The following RBM6 variants were observed in gnomAD, a reference collection of about 807,000 sequenced individuals.
RBM6 encodes the protein RNA-binding protein 6.
A neutral mutation model predicts 140.4 loss-of-function variants in RBM6; 23 were observed. The observed-to-expected ratio is 0.16, with a 90% confidence interval of 0.12 to 0.23. The LOEUF is 0.23. Among genes scored for constraint, RBM6 ranks in the 10% least tolerant of loss-of-function variants. RBM6 has a pLI of 1.00. For missense variants in RBM6, 1,139 were observed against 1,386.7 expected (o/e 0.82, Z 2.84); for synonymous variants, 439 against 475.6 (o/e 0.92, Z 1.00).
intron 5 of RBM6, among the ~76,000 whole-genome samples, chr3:49,998,774 G>A (rs1383605742): frequency 6.6e-6 from 1 of 152,178 alleles, no homozygotes; most frequent in Non-Finnish European, 1.5e-5. Context: ...TTTGGACATA[G>A]TTATTTGTAC....
At chr3:50,024,769 C>T (rs929228486) in intron 6 of RBM6, among the ~76,000 whole-genome samples, 4 of 151,964 alleles carry the variant, frequency 2.6e-5, no homozygotes, top group African/African-American at 9.7e-5. Flanking sequence ...CTGGCTAACA[C>T]GGTGAAACCC....
chr3:49,965,759 C>T (rs544066658), intron 2 of RBM6, among the ~76,000 whole-genome samples: 1 of 152,026 alleles, frequency 6.6e-6, no homozygotes, highest in African/African-American at 2.4e-5. Flanking sequence ...CAGTGGAAGT[C>T]ATCATGTTCT....
chr3:50,027,716 C>A (rs1466150766), intron 6 of RBM6, among the ~76,000 whole-genome samples: 1 of 152,174 alleles, frequency 6.6e-6, no homozygotes, highest in Non-Finnish European at 1.5e-5. Context: ...TATGGATATA[C>A]CACATTGTCT....
chr3:49,970,321 C>A (rs1442723133), intron 3 of RBM6, among the ~76,000 whole-genome samples: 2 of 152,110 alleles, frequency 1.3e-5, no homozygotes, highest in African/African-American at 2.4e-5. Context: ...TTCAAGCAGT[C>A]CCCCCACCTT....
intron 5 of RBM6, among the ~76,000 whole-genome samples, chr3:49,978,146 G>A (rs983953654): frequency 6.6e-6 from 1 of 152,058 alleles, no homozygotes; most frequent in Non-Finnish European, 1.5e-5. Flanking sequence ...GACTACAGGT[G>A]CGTACCACCA....
At chr3:49,947,773 T>C (rs2083559604) in intron 1 of RBM6, among the ~76,000 whole-genome samples, 4 of 152,230 alleles carry the variant, frequency 2.6e-5, no homozygotes. Context: ...AGTCCCACTT[T>C]ATTGTTATGC....
At chr3:50,062,554 A>G (rs2089981371) in intron 15 of RBM6, among the ~76,000 whole-genome samples, 1 of 151,760 alleles carries the variant, frequency 6.6e-6, no homozygotes, top group African/African-American at 2.4e-5. Context: ...GGTGTAGGCA[A>G]TTCCCTCACC....
chr3:50,035,033 C>CCTA (rs1459576703), intron 6 of RBM6, among the ~76,000 whole-genome samples: 2 of 143,134 alleles, frequency 1.4e-5, no homozygotes, highest in African/African-American at 5.2e-5. Context: ...CCTCCCCTCC[C>CCTA]CTCCCCTCTC....
At chr3:49,947,508 G>A (rs1297380282) in intron 1 of RBM6, among the ~76,000 whole-genome samples, 3 of 152,030 alleles carry the variant, frequency 2.0e-5, no homozygotes, top group Non-Finnish European at 4.4e-5. Flanking sequence ...TTAATTCCTT[G>A]TCAGATATTT....
chr3:50,015,441 T>C (rs1191413113), intron 6 of RBM6, among the ~76,000 whole-genome samples: 3 of 148,112 alleles, frequency 2.0e-5, no homozygotes, highest in Admixed American at 6.8e-5. Flanking sequence ...ATTTTTTTTT[T>C]TTTTTTTGAG....
At chr3:50,020,667 T>C (rs1460642930) in intron 6 of RBM6, among the ~76,000 whole-genome samples, 2 of 152,232 alleles carry the variant, frequency 1.3e-5, no homozygotes, top group East Asian at 3.8e-4. Flanking sequence ...GCAAATACCA[T>C]GGAGTGTACA....
intron 1 of RBM6, among the ~76,000 whole-genome samples, chr3:49,955,677 T>G (rs2083948561): frequency 6.6e-6 from 1 of 151,834 alleles, no homozygotes; most frequent in Non-Finnish European, 1.5e-5. Context: ...ACCTCGTCTG[T>G]ACTAAAAATA....
chr3:49,989,992 C>T (rs2085747836), intron 5 of RBM6, among the ~76,000 whole-genome samples: 4 of 152,132 alleles, frequency 2.6e-5, no homozygotes, highest in Admixed American at 2.0e-4. Context: ...AGTGATCTGC[C>T]CGCCTTGGCT....
At position 49,979,878 on chromosome 3, in the gene RBM6, C is replaced by T. The variant is rs76429403; in HGVS notation, c.1483+4486C>T. Among the ~76,000 whole-genome samples, 923 of 152,094 alleles carry T rather than the reference C, an allele frequency of 6.1e-3. 9 individuals are homozygous for T. Among genetic ancestry groups the T allele is most frequent in the African/African-American group, 0.021 (872 of 41,480 alleles). ...ATTGGGGGAGGAGTTAACTATAAAGCGGAAGCATGAGGGAATTTTTGGGTA... is the reference window on the plus strand; with the variant it reads ...ATTGGGGGAGGAGTTAACTATAAAGTGGAAGCATGAGGGAATTTTTGGGTA... On this transcript the variant is annotated intron_variant, in intron 5 of 20. Coordinates refer to ENST00000266022, the MANE Select transcript of RBM6 (RefSeq NM_005777.3).
chr3:50,017,514 C>T (rs550495995), intron 6 of RBM6, among the ~76,000 whole-genome samples: 22 of 149,320 alleles, frequency 1.5e-4, no homozygotes, highest in South Asian at 1.1e-3. Flanking sequence ...GCCAAGATCG[C>T]GCCACTGCAC....
At chr3:50,048,210 GTT>G (rs752607370) in intron 6 of RBM6, 33 bp from the exon 7 acceptor site, 2 of 1,607,810 alleles carry the variant, frequency 1.2e-6, no homozygotes, top group Non-Finnish European at 1.7e-6. Context: ...TTCTCCAAGG[GTT>G]GATGTTGATG....
At position 49,962,571 on chromosome 3, in the gene RBM6, T is replaced by C; in HGVS notation, c.-66-5T>C. The C allele has an allele frequency of 7.3e-7, 1 of 1,371,174 alleles. No individual in the cohort carries two copies. Among genetic ancestry groups the C allele is most frequent in the Non-Finnish European group, 1.0e-6 (1 of 994,870 alleles). 84.9% of individuals were successfully genotyped at this position (1,371,174 alleles called of 1,614,324 possible). ...GTACTAATTTTTGTGGTTTATTTTG[T>C]ACAGGTACTGCTATAACCAGAATTT... On this transcript the variant is annotated splice_region_variant and splice_polypyrimidine_tract_variant and intron_variant, in intron 1 of 20. Transcript: ENST00000266022.
intron 5 of RBM6, among the ~76,000 whole-genome samples, chr3:49,985,645 C>T (rs549033016): frequency 2.4e-4 from 36 of 152,200 alleles, no homozygotes; most frequent in African/African-American, 8.4e-4. Flanking sequence ...CTCACTCTGT[C>T]GCCCAGGCTG....
At chr3:50,063,781 G>A (rs927823460) in intron 15 of RBM6, among the ~76,000 whole-genome samples, 1 of 151,810 alleles carries the variant, frequency 6.6e-6, no homozygotes, top group Non-Finnish European at 1.5e-5. Context: ...CAAGCCTGTA[G>A]TCCCAGCTAC....
Sources: gnomAD v4.1 joint callset for allele counts (sites outside exome capture counted in the v4.1 genomes callset) on GRCh38, gnomAD v4.1.1 for gene constraint, MANE v1.5 for transcripts, NCBI Gene and HGNC (gene_info 2026-07-23, HGNC 2026-07-21) for gene names.